The following SEMA3E variants were observed in gnomAD, a reference collection of about 807,000 sequenced individuals.
The protein encoded by SEMA3E is semaphorin 3E.
A neutral mutation model predicts 93.6 loss-of-function variants in SEMA3E; 49 were observed. The ratio of observed to expected loss-of-function variants is 0.52; its 90% CI spans 0.42 to 0.66. SEMA3E has a LOEUF of 0.66. Among genes scored for constraint, SEMA3E ranks in the 30% least tolerant of loss-of-function variants. The pLI is 0.00. For missense variants in SEMA3E, 906 were observed against 964.8 expected (o/e 0.94, Z 0.81); for synonymous variants, 363 against 330.7 (o/e 1.10, Z -1.06).
At chr7:83,640,835 G>A (rs1793994536) in intron 1 of SEMA3E, among the ~76,000 whole-genome samples, 1 of 151,924 alleles carries the variant, frequency 6.6e-6, no homozygotes, top group Non-Finnish European at 1.5e-5. Flanking sequence ...GCCTCACAAA[G>A]GGGTACACAG....
At chr7:83,573,641 C>A (rs1792333320) in intron 1 of SEMA3E, among the ~76,000 whole-genome samples, 1 of 151,878 alleles carries the variant, frequency 6.6e-6, no homozygotes, top group African/African-American at 2.4e-5. Context: ...GCAATTAAAT[C>A]TTCAAAATTA....
At position 83,614,225 on chromosome 7, in the gene SEMA3E, T is replaced by C. The variant is rs192130755; in HGVS notation, c.115+34203A>G. Among the ~76,000 whole-genome samples, 475 of 152,208 alleles carry C rather than the reference T, an allele frequency of 3.1e-3. 2 individuals are homozygous for C. The highest frequency in any genetic ancestry group is 5.5e-3 in the Non-Finnish European group (376 of 67,974). On this transcript the variant is annotated intron_variant, in intron 1 of 16. Coordinates refer to ENST00000643230, the MANE Select transcript of SEMA3E (RefSeq NM_012431.3). ...ACAATATTATAGGTAAATTGAGCTT[T>C]TCACATTCTTTCTCAGTGCCAAAAT...
intron 16 of SEMA3E, 54 bp from the exon 17 acceptor site, chr7:83,368,092 A>G: frequency 2.7e-6 from 4 of 1,493,482 alleles, no homozygotes; most frequent in Non-Finnish European, 3.7e-6. Context: ...GAAAATAACA[A>G]TCCATCACCC....
intron 1 of SEMA3E, among the ~76,000 whole-genome samples, chr7:83,624,728 A>G (rs1014179338): frequency 2.6e-5 from 4 of 152,090 alleles, no homozygotes; most frequent in Non-Finnish European, 5.9e-5. Context: ...CTTTAGTTTC[A>G]TTAGTTCACA....
intron 4 of SEMA3E, among the ~76,000 whole-genome samples, chr7:83,463,067 A>G (rs998032244): frequency 6.7e-6 from 1 of 149,232 alleles, no homozygotes; most frequent in South Asian, 2.2e-4. Flanking sequence ...TCAAGCCCAA[A>G]TTTCTTCCTC....
At position 83,454,280 on chromosome 7, in the gene SEMA3E, T is replaced by C. The variant is rs1458045221; in HGVS notation, c.456+12202A>G. 7.6e-3 allele frequency among the ~76,000 whole-genome samples: 733 copies of C among 96,394 alleles called. 21 individuals carry two copies. The highest frequency in any genetic ancestry group is 0.023 in the African/African-American group (685 of 29,840). The allele number at this position is 96,394 out of a possible 152,430, so 63.2% of individuals were successfully genotyped here. ...CTCAAAAAAAAAAAAAAAATATATA[T>C]ATATATATATATATATAATGTGTGT... On this transcript the variant is annotated intron_variant, in intron 4 of 16. Transcript: ENST00000643230.
At chr7:83,427,200 CTT>C (rs757026243) in intron 4 of SEMA3E, among the ~76,000 whole-genome samples, 1 of 151,584 alleles carries the variant, frequency 6.6e-6, no homozygotes, top group South Asian at 2.1e-4. Flanking sequence ...TCCTTTCCTT[CTT>C]TTTTTCTTTT....
intron 1 of SEMA3E, among the ~76,000 whole-genome samples, chr7:83,543,433 A>T (rs1056471558): frequency 8.5e-5 from 13 of 152,090 alleles, no homozygotes; most frequent in Admixed American, 6.6e-4. Flanking sequence ...CTGATTCCAG[A>T]GAGACTGCCT....
intron 1 of SEMA3E, among the ~76,000 whole-genome samples, chr7:83,532,936 T>G (rs1791333553): frequency 6.6e-6 from 1 of 152,166 alleles, no homozygotes; most frequent in African/African-American, 2.4e-5. Flanking sequence ...AAAGATGTTC[T>G]ACATCTTTAA....
At chr7:83,564,567 T>C (rs1306370772) in intron 1 of SEMA3E, among the ~76,000 whole-genome samples, 1 of 152,236 alleles carries the variant, frequency 6.6e-6, no homozygotes, top group Non-Finnish European at 1.5e-5. Context: ...TAAAATATTT[T>C]AGTAAACATT....
chr7:83,625,283 G>A (rs28810799), intron 1 of SEMA3E, among the ~76,000 whole-genome samples: 2,678 of 152,186 alleles, frequency 0.018, 79 homozygotes, highest in African/African-American at 0.059. Context: ...ACCTTGATGG[G>A]GATAGCATTG....
intron 1 of SEMA3E, among the ~76,000 whole-genome samples, chr7:83,570,552 C>CAAAAAAAAAAAAACAAAAAAAAAAAA (rs1792261704): frequency 3.0e-5 from 1 of 33,082 alleles, no homozygotes; most frequent in African/African-American, 2.3e-4. Flanking sequence ...GACTCCGTCT[C>CAAAAAAAAAAAAACAAAAAAAAAAAA]AAAAAAAAAA....
intron 1 of SEMA3E, among the ~76,000 whole-genome samples, chr7:83,627,867 A>G (rs1793703861): frequency 6.6e-6 from 1 of 152,072 alleles, no homozygotes; most frequent in South Asian, 2.1e-4. Context: ...TTATGATGCT[A>G]GCTGGTTATT....
chr7:83,473,768 A>T (rs1789950880), intron 2 of SEMA3E, among the ~76,000 whole-genome samples: 1 of 151,972 alleles, frequency 6.6e-6, no homozygotes, highest in African/African-American at 2.4e-5. Flanking sequence ...CTAAAATCTC[A>T]TATTTGTTTG....
chr7:83,370,169 A>G (rs1435716538), intron 16 of SEMA3E, among the ~76,000 whole-genome samples: 3 of 152,148 alleles, frequency 2.0e-5, no homozygotes, highest in Non-Finnish European at 4.4e-5. Flanking sequence ...AAAATGGTAC[A>G]TCTTACACAT....
chr7:83,635,441 T>G (rs1401114270), intron 1 of SEMA3E, among the ~76,000 whole-genome samples: 1 of 151,860 alleles, frequency 6.6e-6, no homozygotes, highest in African/African-American at 2.4e-5. Flanking sequence ...TTATTTACTC[T>G]TTATAATAAT....
intron 1 of SEMA3E, among the ~76,000 whole-genome samples, chr7:83,541,823 T>C (rs1160211890): frequency 6.6e-6 from 1 of 151,834 alleles, no homozygotes; most frequent in Non-Finnish European, 1.5e-5. Context: ...AATGATAAAG[T>C]GAGATTTCGT....
chr7:83,367,700 C>G lies in SEMA3E; in HGVS notation c.2214G>C (p.Lys738Asn). The change falls in exon 17 of 17, where the codon AAG becomes AAC. Residue 738 changes from lysine (K) to asparagine (N), a missense_variant. By Grantham distance (94) the Lys-to-Asn change is moderately conservative (BLOSUM62 0). Coordinates refer to ENST00000643230, the MANE Select transcript of SEMA3E (RefSeq NM_012431.3). ...AGGGTGACATTTTAAGCTTTTTCCTCTTTCTATCTGTGCACCATACTTTCT... is the reference window on the plus strand; with the variant it reads ...AGGGTGACATTTTAAGCTTTTTCCTGTTTCTATCTGTGCACCATACTTTCT... ...YCEKVWCTDR[K>N]RKKLKMSPSK... is the part of the protein sequence containing the mutation. 2 of 1,614,076 alleles carry G rather than the reference C, an allele frequency of 1.2e-6. No individual in the cohort carries two copies. The highest frequency in any genetic ancestry group is 2.2e-5 in the South Asian group (2 of 91,074).
At chr7:83,386,901 A>G in intron 15 of SEMA3E, 82 bp downstream of exon 15, 1 of 1,199,798 alleles carries the variant, frequency 8.3e-7, no homozygotes, top group South Asian at 1.3e-5. Context: ...CAAAGAAAAA[A>G]AGGACTCTTT....
Sources: gnomAD v4.1 joint callset for allele counts (sites outside exome capture counted in the v4.1 genomes callset) on GRCh38, gnomAD v4.1.1 for gene constraint, MANE v1.5 for transcripts, NCBI Gene and HGNC (gene_info 2026-07-23, HGNC 2026-07-21) for gene names.